RETREG3: variants seen among roughly 807,000 people sequenced by gnomAD.
RETREG3 encodes reticulophagy regulator 3.
RETREG3 carries 23 observed loss-of-function variants against 50.2 expected under a neutral mutation model. The ratio of observed to expected loss-of-function variants is 0.46; its 90% CI spans 0.33 to 0.65. The LOEUF (loss-of-function observed/expected upper bound fraction) is 0.65. RETREG3 is among the 30% of genes least tolerant of loss of function. The pLI, the probability that RETREG3 is intolerant of heterozygous loss-of-function variation, is 0.02. For synonymous variants in RETREG3, 240 were observed against 234.4 expected (o/e 1.02, Z -0.22); for missense variants, 546 against 598.0 (o/e 0.91, Z 0.91).
intron 7 of RETREG3, 110 bp from the exon 8 acceptor site, chr17:42,582,916 A>G (rs2093113017): frequency 1.4e-6 from 2 of 1,413,382 alleles, no homozygotes; most frequent in Non-Finnish European, 1.9e-6. Context: ...CCATCAAATC[A>G]ATGTAACCAG....
Position 42,581,867 on chromosome 17 carries a change from A to C in RETREG3, c.1347T>G (p.Leu449=). ...DTDAEGDDFE[L]LDQSELSQLD... ...GCTGACTCAGCTCCGACTGGTCCAG[A>C]AGTTCAAAGTCATCCCCCTCAGCAT... is the stretch of plus-strand genomic sequence containing the variant. The change falls in exon 9 of 9, where the codon CTT becomes CTG. Residue 449 remains leucine (L), a synonymous_variant. Transcript: ENST00000309428. The C allele has an allele frequency of 6.2e-7, 1 of 1,612,330 alleles. No individual in the cohort carries two copies. The highest frequency in any genetic ancestry group is 8.5e-7 in the Non-Finnish European group (1 of 1,178,690).
upstream of RETREG3, chr17:42,609,395 G>A (rs1030220906): frequency 6.7e-7 from 1 of 1,482,146 alleles, no homozygotes; most frequent in Non-Finnish European, 9.1e-7. Flanking sequence ...GCGCAGATGC[G>A]CGATTCGGCG....
chr17:42,609,365 A>G lies in RETREG3; in HGVS notation c.-41T>C, dbSNP rs766200422. ...ACAACATCCGGGGCCGTGGCCCGAC[A>G]AGTCACAATAACAGCAACTGCGCAG... On this transcript the variant is annotated 5_prime_UTR_variant, in exon 1 of 9. Transcript: ENST00000309428. 9.6e-6 allele frequency: 15 copies of G among 1,565,780 alleles called. No homozygotes were observed. Among genetic ancestry groups the G allele is most frequent in the South Asian group, 5.7e-5 (5 of 88,244 alleles).
intron 1 of RETREG3, among the ~76,000 whole-genome samples, chr17:42,594,461 G>A (rs983008194): frequency 1.3e-5 from 2 of 151,932 alleles, no homozygotes; most frequent in Admixed American, 1.3e-4. Flanking sequence ...GGGTGAGGCA[G>A]GAGAATCGCC....
chr17:42,601,610 A>C (rs12949175), intron 1 of RETREG3, among the ~76,000 whole-genome samples: 1 of 122,500 alleles, frequency 8.2e-6, no homozygotes, highest in Non-Finnish European at 1.6e-5. Context: ...AACGAAAAAT[A>C]AACTAAGAAG....
Position 42,597,617 on chromosome 17 carries a change from ATATTTTTTTTTTTTTTT to A in RETREG3, c.240-5472_240-5456del, listed in dbSNP as rs1567925562. ...TATATATATATATATATATATATAT[ATATTTTTTTTTTTTTTT>A]TTTTTTTTTTTTTGAGACAGAGTCT... On this transcript the variant is annotated intron_variant, in intron 1 of 8. Coordinates refer to ENST00000309428, the MANE Select transcript of RETREG3 (RefSeq NM_178126.4). 3.0e-3 allele frequency among the ~76,000 whole-genome samples: 44 copies of A among 14,802 alleles called. 2 individuals carry two copies. The highest frequency in any genetic ancestry group is 7.3e-3 in the African/African-American group (27 of 3,720). 9.7% of individuals were successfully genotyped at this position (14,802 alleles called of 152,430 possible).
intron 6 of RETREG3, 100 bp downstream of exon 6, chr17:42,585,024 CG>C: frequency 2.1e-6 from 3 of 1,456,200 alleles, no homozygotes; most frequent in Non-Finnish European, 2.8e-6. Context: ...CAACTACCCC[CG>C]ACTTCCACTT....
rs2093174659 is a variant in RETREG3, at chr17:42,609,180, A to G, written c.145T>C (p.Tyr49His). 2 of 1,609,636 alleles carry G rather than the reference A, an allele frequency of 1.2e-6. No individual in the cohort carries two copies. Among genetic ancestry groups the G allele is most frequent in the African/African-American group, 1.3e-5 (1 of 74,868 alleles). ...QRALVEVLGP[Y>H]EPLLSRVQAA... Reference sequence around the variant, plus strand: ...TGCACCCGACTCAGCAGAGGCTCGTAAGGCCCCAGCACCTCCACCAGGGCC... The same window carrying G: ...TGCACCCGACTCAGCAGAGGCTCGTGAGGCCCCAGCACCTCCACCAGGGCC... The change falls in exon 1 of 9, where the codon TAC becomes CAC. Residue 49 changes from tyrosine to histidine, a missense_variant. Tyr to His is a moderately conservative substitution (Grantham distance 83). Coordinates refer to ENST00000309428, the MANE Select transcript of RETREG3 (RefSeq NM_178126.4).
chr17:42,585,022 C>CCCGACTT, intron 6 of RETREG3, 103 bp downstream of exon 6: 1 of 1,443,410 alleles, frequency 6.9e-7, no homozygotes, highest in Middle Eastern at 1.8e-4. Flanking sequence ...ACCAACTACC[C>CCCGACTT]CCGACTTCCA....
chr17:42,590,563 T>C (rs533217935), intron 2 of RETREG3, among the ~76,000 whole-genome samples: 1 of 152,026 alleles, frequency 6.6e-6, no homozygotes, highest in East Asian at 1.9e-4. Flanking sequence ...TCCCAGCTGC[T>C]CAGGTGGCTA....
At chr17:42,597,328 AC>A (rs2143408432) in intron 1 of RETREG3, among the ~76,000 whole-genome samples, 2 of 149,460 alleles carry the variant, frequency 1.3e-5, no homozygotes, top group African/African-American at 2.5e-5. Context: ...AGCTGGGATT[AC>A]AGGCATGCAC....
intron 4 of RETREG3, chr17:42,586,480 C>T (rs917252491): frequency 4.8e-6 from 2 of 416,770 alleles, no homozygotes; most frequent in Admixed American, 8.1e-5. Context: ...CAACCTATCA[C>T]ATATTTAATA....
At chr17:42,598,826 G>A (rs2093153119) in intron 1 of RETREG3, 3 of 152,154 alleles carry the variant, frequency 2.0e-5, no homozygotes, top group African/African-American at 7.2e-5. Flanking sequence ...GTACTCAAAG[G>A]TATGTTGAAT....
rs748232124 is a variant in RETREG3, at chr17:42,609,234, G to A, written c.91C>T (p.Arg31Trp). 26 of 1,608,060 alleles carry A rather than the reference G, an allele frequency of 1.6e-5. No individual in the cohort carries two copies. Among genetic ancestry groups the A allele is most frequent in the Non-Finnish European group, 2.2e-5 (26 of 1,179,800 alleles). Residue 31 changes from arginine to tryptophan, a missense_variant, in exon 1 of 9, where the codon CGG becomes TGG. By Grantham distance (101) the Arg-to-Trp change is moderately radical (BLOSUM62 -3). Transcript: ENST00000309428. Reference sequence around the variant, plus strand: ...TGCGCCGCCTCAACCTGCTGGTCCCGCTCCCAGGAGCCTGACACATCTCGG... The same window carrying A: ...TGCGCCGCCTCAACCTGCTGGTCCCACTCCCAGGAGCCTGACACATCTCGG... ...GRRDVSGSWE[R>W]DQQVEAAQRA...
intron 1 of RETREG3, among the ~76,000 whole-genome samples, chr17:42,606,277 C>T (rs2093167684): frequency 6.6e-6 from 1 of 152,080 alleles, no homozygotes; most frequent in South Asian, 2.1e-4. Context: ...AAGATATGTC[C>T]CAGTCACAGC....
chr17:42,596,763 T>C (rs531133782), intron 1 of RETREG3: 2 of 152,188 alleles, frequency 1.3e-5, no homozygotes, highest in African/African-American at 2.4e-5. Flanking sequence ...TACCATTTTA[T>C]ATTTGATAAA....
intron 1 of RETREG3, among the ~76,000 whole-genome samples, chr17:42,598,429 T>C (rs2093152352): frequency 1.3e-5 from 2 of 152,298 alleles, no homozygotes; most frequent in South Asian, 4.1e-4. Context: ...TATGAAACTA[T>C]TGGCTTATCT....
At chr17:42,592,694 G>A (rs1459164965) in intron 1 of RETREG3, among the ~76,000 whole-genome samples, 1 of 152,244 alleles carries the variant, frequency 6.6e-6, no homozygotes, top group Admixed American at 6.5e-5. Flanking sequence ...GCTCAAGCCT[G>A]TAATCCCAGC....
chr17:42,609,410 A>G (rs995820744), upstream of RETREG3: 1 of 1,435,592 alleles, frequency 7.0e-7, no homozygotes, highest in South Asian at 1.3e-5. Flanking sequence ...TCGGCGGGGG[A>G]GGTGGCTTCG....
Sources: gnomAD v4.1 joint callset for allele counts (sites outside exome capture counted in the v4.1 genomes callset) on GRCh38, gnomAD v4.1.1 for gene constraint, MANE v1.5 for transcripts, NCBI Gene and HGNC (gene_info 2026-07-23, HGNC 2026-07-21) for gene names.